The following LRP5 variants were observed in gnomAD, a reference collection of about 807,000 sequenced individuals.
The protein encoded by LRP5 is LDL receptor related protein 5, also known as low-density lipoprotein receptor-related protein 5.
Under a neutral mutation model 154.1 loss-of-function variants are expected in LRP5, and 62 were observed. That is an observed-to-expected ratio of 0.40 (90% CI 0.33 to 0.50). The LOEUF (loss-of-function observed/expected upper bound fraction) is 0.50, where lower values mean the gene tolerates loss of function less well. Among genes scored for constraint, LRP5 ranks in the 20% least tolerant of loss-of-function variants. LRP5 has a pLI of 0.55. For missense variants in LRP5, 1,915 were observed against 2,336.7 expected, an observed-to-expected ratio of 0.82 and a Z score of 3.72; for synonymous variants, 966 against 1,011.5, an observed-to-expected ratio of 0.96 and a Z score of 0.85.
upstream of LRP5, among the ~76,000 whole-genome samples, chr11:68,309,468 C>T (rs1358990194): frequency 2.0e-5 from 3 of 151,892 alleles, no homozygotes; most frequent in East Asian, 1.9e-4. Context: ...CTCCTGACCT[C>T]GTGATCCACC....
At chr11:68,388,902 C>T (rs2098644492) in intron 6 of LRP5, among the ~76,000 whole-genome samples, 1 of 152,214 alleles carries the variant, frequency 6.6e-6, no homozygotes, top group South Asian at 2.1e-4. Flanking sequence ...CTCAGTCCTC[C>T]AGCACTTACT....
chr11:68,345,310 CAG>C (rs1470946657), intron 1 of LRP5, among the ~76,000 whole-genome samples: 8 of 152,200 alleles, frequency 5.3e-5, no homozygotes, highest in South Asian at 2.1e-4. Context: ...TTTTTTGAGA[CAG>C]AGTCTCGCTG....
intron 8 of LRP5, 107 bp from the exon 9 acceptor site, chr11:68,406,417 C>T: frequency 2.4e-6 from 3 of 1,250,346 alleles, no homozygotes; most frequent in African/African-American, 1.5e-5. Flanking sequence ...GAGCTCGGCA[C>T]CCCTGAGCTG....
intron 5 of LRP5, among the ~76,000 whole-genome samples, chr11:68,385,933 G>A (rs893445291): frequency 1.3e-5 from 2 of 152,262 alleles, no homozygotes; most frequent in Non-Finnish European, 2.9e-5. Context: ...CTGGTACCCG[G>A]CGGGACTTGT....
At position 68,438,468 on chromosome 11, in the gene LRP5, C is replaced by T. The variant is rs375358365; in HGVS notation, c.4134C>T (p.Asp1378=). 11 of 1,614,082 alleles carry T rather than the reference C, an allele frequency of 6.8e-6. No individual in the cohort carries two copies. The highest frequency in any genetic ancestry group is 2.7e-5 in the African/African-American group (2 of 74,954). The change falls in exon 20 of 23, where the codon GAC becomes GAT. Residue 1378 remains aspartate, a synonymous_variant. Transcript: ENST00000294304. ...CAGAAATCACCAAGCCGCCCTCAGA[C>T]GACAGCCCGGCCCACAGCAGTGCCA... ...LMCEITKPPS[D]DSPAHSSAIG...
chr11:68,305,535 C>T, the LRP5 span, among the ~76,000 whole-genome samples: 8 of 152,256 alleles, frequency 5.3e-5, no homozygotes, highest in South Asian at 2.1e-4. Flanking sequence ...CTCCTCCTCC[C>T]GGGCGCAAGT....
intron 16 of LRP5, among the ~76,000 whole-genome samples, chr11:68,429,159 A>G (rs1273531636): frequency 6.6e-6 from 1 of 150,496 alleles, no homozygotes; most frequent in African/African-American, 2.4e-5. Flanking sequence ...AGGCTGAGGC[A>G]GGAGGGTTGT....
rs1242639767 is a variant in LRP5 at position 68,353,823 on chromosome 11, C to T, written c.489-3827C>T. ...GCACGTGGCCAAAAGGATCAAGAGC[C>T]CTGCAGCCAGGGGGGCCCCTCCTGA... On this transcript the variant is annotated intron_variant, in intron 2 of 22. Transcript: ENST00000294304. This position sits in a 1 kb window ranked among gnomAD's most constrained non-coding sequence, Gnocchi z 4.5. Among the ~76,000 whole-genome samples the T allele has an allele frequency of 6.6e-6, 1 of 152,152 alleles. No homozygotes were observed. The highest frequency in any genetic ancestry group is 1.5e-5 in the Non-Finnish European group (1 of 68,024).
intron 17 of LRP5, among the ~76,000 whole-genome samples, chr11:68,433,377 A>C (rs1429188612): frequency 6.6e-6 from 1 of 152,216 alleles, no homozygotes; most frequent in Non-Finnish European, 1.5e-5. Flanking sequence ...GTCTTCTTGC[A>C]GTGAATGTGT....
At chr11:68,343,662 G>A (rs1184720158) in intron 1 of LRP5, among the ~76,000 whole-genome samples, 8 of 152,102 alleles carry the variant, frequency 5.3e-5, no homozygotes, top group Non-Finnish European at 1.0e-4. Flanking sequence ...GTTGGTGATG[G>A]TTCCACCTGC....
At chr11:68,420,322 C>G (rs1215217632) in intron 13 of LRP5, among the ~76,000 whole-genome samples, 1 of 152,186 alleles carries the variant, frequency 6.6e-6, no homozygotes, top group African/African-American at 2.4e-5. Context: ...CCTTGTGTGA[C>G]TGGCTTCTTT....
At chr11:68,319,985 C>T (rs187911723) in intron 1 of LRP5, among the ~76,000 whole-genome samples, 2 of 152,114 alleles carry the variant, frequency 1.3e-5, no homozygotes, top group Admixed American at 1.3e-4. Context: ...TTGGGAGACC[C>T]CCCATGTCTA....
the LRP5 span, among the ~76,000 whole-genome samples, chr11:68,300,840 T>C: frequency 6.7e-6 from 1 of 149,878 alleles, no homozygotes; most frequent in African/African-American, 2.4e-5. Flanking sequence ...CTCTATTCCA[T>C]CACTTGTTGG....
Position 68,416,470 on chromosome 11 carries a change from C to T in LRP5, c.2970C>T (p.Phe990=), listed in dbSNP as rs1484210648. 1.2e-6 allele frequency: 2 copies of T among 1,614,102 alleles called. No homozygotes were observed. The highest frequency in any genetic ancestry group is 3.3e-5 in the Admixed American group (2 of 59,922). ...KAIDYDPLDK[F]IYWVDGRQNI... The stretch of plus-strand genomic sequence containing the variant: ...TCGACTATGACCCACTGGACAAGTT[C>T]ATCTACTGGGTGGATGGGCGCCAGA... Residue 990 remains phenylalanine (F), a synonymous_variant, in exon 13 of 23, where the codon TTC becomes TTT. Coordinates refer to ENST00000294304, the MANE Select transcript of LRP5 (RefSeq NM_002335.4).
intron 12 of LRP5, among the ~76,000 whole-genome samples, chr11:68,414,265 G>A (rs535912747): frequency 1.3e-5 from 2 of 152,352 alleles, no homozygotes; most frequent in Admixed American, 1.3e-4. Flanking sequence ...ATCTTTGGGT[G>A]TGAAAACCAG....
In LRP5 at chr11:68,410,099, C is replaced by T; in HGVS notation, c.2277C>T (p.Asp759=). ...GQFRQVLVWR[D]LDNPRSLALD... ...TCCGGCAAGTCCTCGTGTGGAGGGA[C>T]TTGGACAACCCGAGGTCGCTGGCCC... is the stretch of plus-strand genomic sequence containing the variant. Residue 759 remains aspartate (D), a synonymous_variant, in exon 10 of 23, where the codon GAC becomes GAT. Transcript: ENST00000294304. 1 of 1,613,982 alleles carries T rather than the reference C, an allele frequency of 6.2e-7. No homozygotes were observed. The highest frequency in any genetic ancestry group is 1.3e-5 in the African/African-American group (1 of 75,048).
intron 7 of LRP5, among the ~76,000 whole-genome samples, chr11:68,399,125 G>A (rs959947825): frequency 6.6e-6 from 1 of 152,116 alleles, no homozygotes; most frequent in Non-Finnish European, 1.5e-5. Flanking sequence ...GTTTGAGGCT[G>A]GGCTCAAGTG....
intron 12 of LRP5, among the ~76,000 whole-genome samples, chr11:68,414,445 G>A (rs1300269112): frequency 6.6e-6 from 1 of 152,206 alleles, no homozygotes; most frequent in East Asian, 1.9e-4. Context: ...ATACAACTGG[G>A]GTGGGTTGAG....
At position 68,433,699 on chromosome 11, in the gene LRP5, T is replaced by C. The variant is rs774612455; in HGVS notation, c.3861T>C (p.Asp1287=). ...AWRCDGFPEC[D]DQSDEEGCPV... ...GCTGTGACGGCTTTCCCGAGTGCGA[T>C]GACCAGAGCGACGAGGAGGGCTGCC... The change falls in exon 18 of 23, where the codon GAT becomes GAC. Residue 1287 remains aspartate (D), a synonymous_variant. Coordinates refer to ENST00000294304, the MANE Select transcript of LRP5 (RefSeq NM_002335.4). 1.7e-5 allele frequency: 27 copies of C among 1,613,104 alleles called. No homozygotes were observed. The South Asian group carries it at 2.3e-4, about 14-fold the overall frequency.
Sources: gnomAD v4.1 joint callset for allele counts (sites outside exome capture counted in the v4.1 genomes callset) on GRCh38, gnomAD v4.1.1 for gene constraint, Gnocchi (gnomAD v3.1) non-coding constraint, MANE v1.5 for transcripts, NCBI Gene and HGNC (gene_info 2026-07-23, HGNC 2026-07-21) for gene names.